Variants in SPON1 observed in about 807,000 individuals in gnomAD.
SPON1 encodes the protein spondin 1.
In SPON1, 52 loss-of-function variants were observed where a neutral mutation model predicts 111.7. That is an observed-to-expected ratio of 0.47 (90% CI 0.37 to 0.59). The LOEUF is 0.59. Among genes scored for constraint, SPON1 ranks in the 20% least tolerant of loss-of-function variants. The pLI is 0.00. For synonymous variants in SPON1, 410 were observed against 395.8 expected, an observed-to-expected ratio of 1.04 and a Z score of -0.43; for missense variants, 957 against 1,068.5, an observed-to-expected ratio of 0.90 and a Z score of 1.46.
intron 6 of SPON1, among the ~76,000 whole-genome samples, chr11:14,196,668 C>G (rs1554935114): frequency 2.0e-5 from 3 of 152,178 alleles, no homozygotes; most frequent in African/African-American, 7.2e-5. Flanking sequence ...TGGGTTTCCC[C>G]TAGGTGTTTC....
intron 6 of SPON1, among the ~76,000 whole-genome samples, chr11:14,144,648 AT>A (rs1317143050): frequency 1.4e-5 from 2 of 147,940 alleles, no homozygotes; most frequent in African/African-American, 5.0e-5. Context: ...AATAATAATA[AT>A]AATAATAATA....
intron 6 of SPON1, among the ~76,000 whole-genome samples, chr11:14,204,454 AT>A (rs1227547291): frequency 6.6e-6 from 1 of 151,314 alleles, no homozygotes; most frequent in Non-Finnish European, 1.5e-5. Context: ...TAATTTTTTT[AT>A]TTTTTAATTT....
intron 6 of SPON1, among the ~76,000 whole-genome samples, chr11:14,160,236 G>T (rs1486521645): frequency 6.8e-6 from 1 of 147,598 alleles, no homozygotes; most frequent in African/African-American, 2.5e-5. Flanking sequence ...TTACAGTGAG[G>T]TTACATCCTG....
At chr11:14,062,392 T>C (rs1554919963) in intron 3 of SPON1, among the ~76,000 whole-genome samples, 1 of 152,204 alleles carries the variant, frequency 6.6e-6, no homozygotes, top group Admixed American at 6.5e-5. Flanking sequence ...GAAACTGGTT[T>C]ACATTTCCTA....
chr11:14,202,553 A>G (rs534373320), intron 6 of SPON1, among the ~76,000 whole-genome samples: 3 of 152,280 alleles, frequency 2.0e-5, no homozygotes, highest in African/African-American at 7.2e-5. Flanking sequence ...GTCAGACTCC[A>G]CCAAAGTCAG....
intron 6 of SPON1, among the ~76,000 whole-genome samples, chr11:14,188,095 A>G (rs1422905796): frequency 6.6e-6 from 1 of 152,026 alleles, no homozygotes; most frequent in Non-Finnish European, 1.5e-5. Context: ...TTTTTAGCAG[A>G]CGGGGTTTCA....
intron 5 of SPON1, among the ~76,000 whole-genome samples, chr11:14,131,477 TTCTA>T (rs1318409434): frequency 6.6e-6 from 1 of 152,142 alleles, no homozygotes; most frequent in Admixed American, 6.5e-5. Context: ...CTATCCCCTT[TTCTA>T]TCTATTTCTT....
intron 3 of SPON1, among the ~76,000 whole-genome samples, chr11:14,066,431 A>G (rs566697296): frequency 4.6e-5 from 7 of 152,144 alleles, no homozygotes; most frequent in African/African-American, 7.2e-5. Context: ...AATTATAGAA[A>G]ATGAGAAATA....
At chr11:13,972,096 T>G (rs1049512262) in intron 1 of SPON1, among the ~76,000 whole-genome samples, 5 of 152,240 alleles carry the variant, frequency 3.3e-5, no homozygotes, top group Admixed American at 6.5e-5. Context: ...GCCCCATTTC[T>G]TTAACCATTC....
chr11:14,193,894 A>C (rs1256549627), intron 6 of SPON1, among the ~76,000 whole-genome samples: 1 of 152,186 alleles, frequency 6.6e-6, no homozygotes, highest in Non-Finnish European at 1.5e-5. Flanking sequence ...GTGGCCACTC[A>C]TGGCTTTCAG....
chr11:14,094,248 A>G (rs901728102), intron 5 of SPON1, among the ~76,000 whole-genome samples: 15 of 150,862 alleles, frequency 9.9e-5, no homozygotes, highest in Non-Finnish European at 1.6e-4. Flanking sequence ...CTTGGTACTT[A>G]AAGTCTTCCT....
chr11:14,068,538 A>T (rs1158171855), intron 3 of SPON1, among the ~76,000 whole-genome samples: 1 of 152,232 alleles, frequency 6.6e-6, no homozygotes, highest in Non-Finnish European at 1.5e-5. Context: ...TGCTCAGAGC[A>T]GAGAACGTTG....
At chr11:14,055,922 G>C (rs1322344504) in intron 3 of SPON1, among the ~76,000 whole-genome samples, 2 of 152,212 alleles carry the variant, frequency 1.3e-5, no homozygotes, top group Non-Finnish European at 2.9e-5. Context: ...GCACCAGGCT[G>C]CCTGCCTAAC....
chr11:14,203,531 T>G (rs1053353976), intron 6 of SPON1, among the ~76,000 whole-genome samples: 7 of 152,202 alleles, frequency 4.6e-5, no homozygotes, highest in Admixed American at 2.6e-4. Context: ...CAAAAGGCAT[T>G]GTACCAGATG....
chr11:14,141,395 T>C (rs1364612947), intron 6 of SPON1, among the ~76,000 whole-genome samples: 2 of 152,230 alleles, frequency 1.3e-5, no homozygotes, highest in Non-Finnish European at 2.9e-5. Flanking sequence ...TGAATGGTTC[T>C]TGCATAAAAC....
intron 5 of SPON1, among the ~76,000 whole-genome samples, chr11:14,116,648 T>C (rs2133851748): frequency 6.6e-6 from 1 of 152,208 alleles, no homozygotes; most frequent in East Asian, 1.9e-4. Context: ...AGCTTTGATA[T>C]CTGGGAGTGT....
chr11:14,159,000 C>A (rs1382965851), intron 6 of SPON1, among the ~76,000 whole-genome samples: 3 of 151,836 alleles, frequency 2.0e-5, no homozygotes, highest in African/African-American at 7.3e-5. Context: ...TACTTTGTTT[C>A]TATTCTTAAT....
In SPON1 at chr11:13,982,958, G is replaced by C; in HGVS notation, c.345+5G>C. 1.3e-6 allele frequency: 2 copies of C among 1,538,122 alleles called. No individual in the cohort carries two copies. The highest frequency in any genetic ancestry group is 2.4e-5 in the South Asian group (2 of 83,748). On this transcript the variant is annotated splice_donor_5th_base_variant and intron_variant, in intron 2 of 15. Transcript: ENST00000576479. ...GACCATGCTGGGACCTTCCAGGTAA[G>C]ACCCTGCCTGGGCTTATTCAGTGGC...
chr11:13,982,297 C>T (rs941929180), intron 1 of SPON1, among the ~76,000 whole-genome samples: 6 of 152,038 alleles, frequency 3.9e-5, no homozygotes, highest in Non-Finnish European at 7.3e-5. Flanking sequence ...CTGCAGGGGG[C>T]TACTGTATAT....
Sources: allele counts gnomAD v4.1 joint callset (sites outside exome capture counted in the v4.1 genomes callset), GRCh38; gene constraint gnomAD v4.1.1; transcripts MANE v1.5; gene names NCBI Gene and HGNC (gene_info 2026-07-23, HGNC 2026-07-21).